SLC22A17: variants seen among roughly 807,000 people sequenced by gnomAD.
The protein encoded by SLC22A17 is solute carrier family 22 member 17, also known as 24p3 receptor.
SLC22A17 carries 38 observed loss-of-function variants against 53.6 expected under a neutral mutation model. The ratio of observed to expected loss-of-function variants is 0.71; its 90% CI spans 0.55 to 0.93. The LOEUF is 0.93. SLC22A17 is among the 40% of genes least tolerant of loss of function. SLC22A17 has a pLI of 0.00. For missense variants in SLC22A17, 704 were observed against 791.0 expected (o/e 0.89, Z 1.32); for synonymous variants, 379 against 353.0 (o/e 1.07, Z -0.82).
In SLC22A17 at chr14:23,348,445, T is replaced by C. The variant is rs1400964999; in HGVS notation, c.1025+61A>G. 6.3e-6 allele frequency: 10 copies of C among 1,592,412 alleles called. No homozygotes were observed. The highest frequency in any genetic ancestry group is 6.0e-6 in the Non-Finnish European group (7 of 1,167,266). On this transcript the variant is annotated intron_variant, in intron 5 of 9. Transcript: ENST00000397267. This position sits in a 1 kb window ranked among gnomAD's most constrained non-coding sequence, Gnocchi z 4.5. The stretch of plus-strand genomic sequence containing the variant: ...TGGAGAAGAGGAGGGGTCTCCGGGC[T>C]AGGGCTAGTTTGGAGGCAGAGATGG...
Position 23,352,180 on chromosome 14 carries a change from G to C in SLC22A17, c.368C>G (p.Pro123Arg). 1 of 1,520,408 alleles carries C rather than the reference G, an allele frequency of 6.6e-7. No homozygotes were observed. The highest frequency in any genetic ancestry group is 8.8e-7 in the Non-Finnish European group (1 of 1,138,374). 94.2% of individuals were successfully genotyped at this position (1,520,408 alleles called of 1,614,324 possible). A position where few individuals can be genotyped will look rare whatever the true frequency, so the allele number is the denominator to read the frequency against. Residue 123 changes from proline to arginine, a missense_variant, in exon 2 of 10, where the codon CCG becomes CGG. Physicochemically the swap from Pro to Arg is moderately radical, Grantham distance 103 (BLOSUM62 -2). Around this residue, in one of 4 missense-constraint regions of SLC22A17, gnomAD observed 435 missense variants for 529.0 expected, o/e 0.82. Coordinates refer to ENST00000397267, the Ensembl canonical transcript of SLC22A17. The surrounding 1 kb of genome is among the most constrained non-coding windows in gnomAD (Gnocchi z 7.2). ...GAAGGCCCCGTAGTGGCAATGCAGC[G>C]GGGGCGCCAGCGTGAAGATGGGGTC... is the stretch of plus-strand genomic sequence containing the variant.
At chr14:23,349,605 C>T in intron 3 of SLC22A17, 179 bp from the exon 4 acceptor site, 1 of 663,618 alleles carries the variant, frequency 1.5e-6, no homozygotes, top group Non-Finnish European at 2.5e-6. Context: ...TGATGCCTGG[C>T]TACTGGGCAC....
chr14:23,346,931 C>T lies in SLC22A17; in HGVS notation c.1667G>A (p.Arg556His), dbSNP rs772879735. The T allele has an allele frequency of 2.6e-5, 40 of 1,532,978 alleles. No individual in the cohort carries two copies. The South Asian group carries it at 2.7e-4, about 11-fold the overall frequency. The allele number at this position is 1,532,978 out of a possible 1,614,324, so 95.0% of individuals were successfully genotyped here. ...TAGAGCCATGATCAGGCCCAGGCCA[C>T]GGCCCCTGGGGGGAGACAGAGGAGG... Residue 556 changes from arginine to histidine, a missense_variant, in exon 10 of 10, where the codon CGT (arginine) becomes CAT (histidine). Arg to His is a conservative substitution (Grantham distance 29). This residue lies in a region of SLC22A17 where 196 missense variants were observed against 171.5 expected (regional missense o/e 1.14). Coordinates refer to ENST00000397267, the Ensembl canonical transcript of SLC22A17.
Position 23,352,159 on chromosome 14 carries a change from G to GC in SLC22A17, c.388dup (p.Ala130GlyfsTer5), listed in dbSNP as rs1292393565. ...CCAGCCAGAGGCATTAGGGGGGAAG[G>GC]CCCCGTAGTGGCAATGCAGCGGGGG... On this transcript the variant is annotated frameshift_variant, in exon 2 of 10. Transcript: ENST00000397267. LOFTEE classifies it high-confidence loss of function. This position sits in a 1 kb window ranked among gnomAD's most constrained non-coding sequence, Gnocchi z 7.2. 1 of 1,545,744 alleles carries GC rather than the reference G, an allele frequency of 6.5e-7. No homozygotes were observed. The highest frequency in any genetic ancestry group is 8.7e-7 in the Non-Finnish European group (1 of 1,150,358).
intron 3 of SLC22A17, 41 bp downstream of exon 3, chr14:23,351,711 C>A: frequency 6.4e-7 from 1 of 1,565,276 alleles, no homozygotes; most frequent in Non-Finnish European, 8.7e-7. Flanking sequence ...TCCCTAGCAC[C>A]CCCTCCTTTC....
exon 10 of SLC22A17, chr14:23,346,882 G>A (rs779040948): frequency 6.5e-7 from 1 of 1,538,224 alleles, no homozygotes. Context: ...GCTGGGCCGG[G>A]CCGCTCAGTC....
chr14:23,352,227 G>A lies in SLC22A17; in HGVS notation c.321C>T (p.Phe107=). The A allele has an allele frequency of 6.8e-7, 1 of 1,467,564 alleles. No individual in the cohort carries two copies. Among genetic ancestry groups the A allele is most frequent in the Non-Finnish European group, 9.0e-7 (1 of 1,113,594 alleles). 90.9% of individuals were successfully genotyped at this position (1,467,564 alleles called of 1,614,324 possible). The change falls in exon 2 of 10, where the codon TTC becomes TTT. Residue 107 remains phenylalanine (F), a synonymous_variant. Transcript: ENST00000397267. This position sits in a 1 kb window ranked among gnomAD's most constrained non-coding sequence, Gnocchi z 7.2. ...GGTCCGAGGCCATGCCCAGAGCCAC[G>A]AAGAGCACCGGCAGGCAGCAGAGGC... is the stretch of plus-strand genomic sequence containing the variant.
At chr14:23,346,994 C>G (rs1889248948) in intron 9 of SLC22A17, 58 bp from the exon 10 acceptor site, 12 of 1,494,068 alleles carry the variant, frequency 8.0e-6, no homozygotes, top group Non-Finnish European at 8.9e-6. Context: ...GGGCCCTTCT[C>G]CCGCAGCCCC....
intron 4 of SLC22A17, chr14:23,349,046 C>T: frequency 1.6e-6 from 1 of 630,342 alleles, no homozygotes; most frequent in Non-Finnish European, 2.8e-6. Flanking sequence ...GCACCTTATT[C>T]CTTGGCAGCA....
Position 23,348,831 on chromosome 14 carries a change from A to T in SLC22A17, c.860-160T>A. Reference sequence around the variant, plus strand: ...CCTTGCTAACCTCTGGGTGGCAAGGACTGGGGAGACTGTTCAGCCCTCTCT... The same window carrying T: ...CCTTGCTAACCTCTGGGTGGCAAGGTCTGGGGAGACTGTTCAGCCCTCTCT... On this transcript the variant is annotated intron_variant, in intron 4 of 9. Coordinates refer to ENST00000397267, the Ensembl canonical transcript of SLC22A17. The surrounding 1 kb of genome is among the most constrained non-coding windows in gnomAD (Gnocchi z 4.5). 1 of 736,018 alleles carries T rather than the reference A, an allele frequency of 1.4e-6. No homozygotes were observed. 45.6% of individuals were successfully genotyped at this position (736,018 alleles called of 1,614,324 possible). A position where few individuals can be genotyped will look rare whatever the true frequency, so the allele number is the denominator to read the frequency against.
rs1243733776 is a variant in SLC22A17 at position 23,347,018 on chromosome 14, G to A, written c.1662-82C>T. 3.3e-5 allele frequency: 50 copies of A among 1,508,236 alleles called. No homozygotes were observed. Among genetic ancestry groups the A allele is most frequent in the Middle Eastern group, 2.4e-4 (1 of 4,188 alleles). The allele number at this position is 1,508,236 out of a possible 1,614,324, so 93.4% of individuals were successfully genotyped here. A position where few individuals can be genotyped will look rare whatever the true frequency, so the allele number is the denominator to read the frequency against. On this transcript the variant is annotated intron_variant, in intron 9 of 9. Transcript: ENST00000397267. The surrounding 1 kb of genome is among the most constrained non-coding windows in gnomAD (Gnocchi z 5.1). ...TCCCGCAGCCCCCCTCCTCCAGCCC[G>A]CAGGCCCTGTCCTCAGGGGTGGGGT... is the stretch of plus-strand genomic sequence containing the variant.
In SLC22A17 at chr14:23,347,273, G is replaced by T. The variant is rs1057133886; in HGVS notation, c.1550-61C>A. Reference sequence around the variant, plus strand: ...GGGAGGTCAAGGCTGGCCTAGTCCCGGGTGTCATCCCCTTGGCTCTCTGTT... The same window carrying T: ...GGGAGGTCAAGGCTGGCCTAGTCCCTGGTGTCATCCCCTTGGCTCTCTGTT... On this transcript the variant is annotated intron_variant, in intron 8 of 9. Coordinates refer to ENST00000397267, the Ensembl canonical transcript of SLC22A17. The surrounding 1 kb of genome is among the most constrained non-coding windows in gnomAD (Gnocchi z 5.1). The T allele has an allele frequency of 1.3e-6, 2 of 1,516,666 alleles. No individual in the cohort carries two copies. Among genetic ancestry groups the T allele is most frequent in the African/African-American group, 2.7e-5 (2 of 73,098 alleles). 94.0% of individuals were successfully genotyped at this position (1,516,666 alleles called of 1,614,324 possible). A position where few individuals can be genotyped will look rare whatever the true frequency, so the allele number is the denominator to read the frequency against.
In SLC22A17 at chr14:23,347,033, AGGGGT is replaced by A; in HGVS notation, c.1661+63_1661+67del. On this transcript the variant is annotated intron_variant, in intron 9 of 9. Transcript: ENST00000397267. The surrounding 1 kb of genome is among the most constrained non-coding windows in gnomAD (Gnocchi z 5.1). ...CCTCCAGCCCGCAGGCCCTGTCCTC[AGGGGT>A]GGGGTGGGGGAGCGGGAGGCGAGGG... 1 of 1,525,976 alleles carries A rather than the reference AGGGGT, an allele frequency of 6.6e-7. No homozygotes were observed. The highest frequency in any genetic ancestry group is 8.8e-7 in the Non-Finnish European group (1 of 1,135,498). 94.5% of individuals were successfully genotyped at this position (1,525,976 alleles called of 1,614,324 possible).
At position 23,348,314 on chromosome 14, in the gene SLC22A17, CA is replaced by C. The variant is rs762017143; in HGVS notation, c.1026-9del. On this transcript the variant is annotated splice_polypyrimidine_tract_variant and intron_variant, in intron 5 of 9. Coordinates refer to ENST00000397267, the Ensembl canonical transcript of SLC22A17. The surrounding 1 kb of genome is among the most constrained non-coding windows in gnomAD (Gnocchi z 4.5). ...AGGAACAAACCAGGCCAGCTGGGGG[CA>C]GGGGGGAAGGGGTATACTGTGAGGC... 1.2e-6 allele frequency: 2 copies of C among 1,613,794 alleles called. No individual in the cohort carries two copies. The highest frequency in any genetic ancestry group is 1.7e-6 in the Non-Finnish European group (2 of 1,179,886).
Position 23,347,306 on chromosome 14 carries a change from C to A in SLC22A17, c.1550-94G>T. The A allele has an allele frequency of 6.8e-7, 1 of 1,472,538 alleles. No homozygotes were observed. 91.2% of individuals were successfully genotyped at this position (1,472,538 alleles called of 1,614,324 possible). ...TCCCCTTGGCTCTCTGTTCCCATGGCTCTAGCTGGGCAGGCTCTGGGCATT... is the reference window on the plus strand; with the variant it reads ...TCCCCTTGGCTCTCTGTTCCCATGGATCTAGCTGGGCAGGCTCTGGGCATT... On this transcript the variant is annotated intron_variant, in intron 8 of 9. Coordinates refer to ENST00000397267, the Ensembl canonical transcript of SLC22A17. The surrounding 1 kb of genome is among the most constrained non-coding windows in gnomAD (Gnocchi z 5.1).
At chr14:23,351,894 G>A (rs1250430194) in intron 2 of SLC22A17, 39 bp from the exon 3 acceptor site, 1 of 1,610,958 alleles carries the variant, frequency 6.2e-7, no homozygotes, top group Non-Finnish European at 8.5e-7. Flanking sequence ...GTGAGGCCCC[G>A]CCCTCGCCGC....
chr14:23,352,328 G>A lies in SLC22A17; in HGVS notation c.220C>T (p.Pro74Ser), dbSNP rs1889694076. Residue 74 changes from proline to serine, a missense_variant, in exon 2 of 10, where the codon CCC becomes TCC. Pro to Ser is a moderately conservative substitution (Grantham distance 74). Around this residue, in one of 4 missense-constraint regions of SLC22A17, gnomAD observed 42 missense variants for 28.2 expected, o/e 1.49. Transcript: ENST00000397267. This position sits in a 1 kb window ranked among gnomAD's most constrained non-coding sequence, Gnocchi z 7.2. ...GCCTCAAAGCTGAGGGGGCCTGGGG[G>A]CACGGCCAGCGACAGGCTGCTGCCC... The A allele has an allele frequency of 4.9e-6, 6 of 1,225,666 alleles. No homozygotes were observed. Among genetic ancestry groups the A allele is most frequent in the Middle Eastern group, 2.9e-4 (1 of 3,460 alleles). 75.9% of individuals were successfully genotyped at this position (1,225,666 alleles called of 1,614,324 possible).
chr14:23,348,073 T>G lies in SLC22A17; in HGVS notation c.1172-77A>C. 6.2e-7 allele frequency: 1 copy of G among 1,610,168 alleles called. No individual in the cohort carries two copies. The highest frequency in any genetic ancestry group is 8.5e-7 in the Non-Finnish European group (1 of 1,177,250). ...CCTCCCACATGGGTGGTGGGGACCC[T>G]GGGAGAAGGTGGCACAGCTACAGCC... On this transcript the variant is annotated intron_variant, in intron 6 of 9. Coordinates refer to ENST00000397267, the Ensembl canonical transcript of SLC22A17. This position sits in a 1 kb window ranked among gnomAD's most constrained non-coding sequence, Gnocchi z 4.5.
chr14:23,347,434 G>C lies in SLC22A17; in HGVS notation c.1549+26C>G. On this transcript the variant is annotated intron_variant, in intron 8 of 9. Transcript: ENST00000397267. This position sits in a 1 kb window ranked among gnomAD's most constrained non-coding sequence, Gnocchi z 5.1. ...TTGTCTTGGGAGGCCTGTGCCAGAA[G>C]AAATGGCTGTGCCTGTCTGAAGCAC... 6.2e-7 allele frequency: 1 copy of C among 1,606,878 alleles called. No individual in the cohort carries two copies. The highest frequency in any genetic ancestry group is 1.1e-5 in the South Asian group (1 of 90,198).
Sources: gnomAD v4.1 joint callset for allele counts on GRCh38, gnomAD v4.1.1 for gene constraint, gnomAD v4.1.1 regional missense constraint, Gnocchi (gnomAD v3.1) non-coding constraint, MANE v1.5 for transcripts, NCBI Gene and HGNC (gene_info 2026-07-23, HGNC 2026-07-21) for gene names.